ATP10A: variants seen among roughly 807,000 people sequenced by gnomAD.
ATP10A encodes ATPase phospholipid transporting 10A (putative).
ATP10A carries 111 observed loss-of-function variants against 147.8 expected under a neutral mutation model. The ratio of observed to expected loss-of-function variants is 0.75; its 90% CI spans 0.64 to 0.88. The LOEUF (loss-of-function observed/expected upper bound fraction) is 0.88. Among genes scored for constraint, ATP10A ranks in the 40% least tolerant of loss-of-function variants. ATP10A has a pLI of 0.00. For missense variants in ATP10A, 1,927 were observed against 1,959.0 expected, an observed-to-expected ratio of 0.98 and a Z score of 0.31; for synonymous variants, 875 against 841.6, an observed-to-expected ratio of 1.04 and a Z score of -0.69.
At chr15:25,809,415 T>G (rs1234585833) in intron 1 of ATP10A, among the ~76,000 whole-genome samples, 2 of 152,134 alleles carry the variant, frequency 1.3e-5, no homozygotes, top group African/African-American at 2.4e-5. Flanking sequence ...TATTTTAAAA[T>G]CACAGAGAAG....
At chr15:25,767,080 T>A (rs1432472295) in intron 2 of ATP10A, among the ~76,000 whole-genome samples, 1 of 152,148 alleles carries the variant, frequency 6.6e-6, no homozygotes, top group Non-Finnish European at 1.5e-5. Flanking sequence ...TGGGCAGCAA[T>A]CAAATTCCCT....
chr15:25,700,410 T>C (rs1900594718), intron 13 of ATP10A, among the ~76,000 whole-genome samples: 1 of 152,234 alleles, frequency 6.6e-6, no homozygotes, highest in Admixed American at 6.5e-5. Flanking sequence ...CTGTTTATGA[T>C]TGTCAACAAC....
At chr15:25,816,330 C>T (rs1158800672) in intron 1 of ATP10A, among the ~76,000 whole-genome samples, 4 of 151,886 alleles carry the variant, frequency 2.6e-5, no homozygotes, top group Non-Finnish European at 5.9e-5. Context: ...TCCCAAAGTG[C>T]TGGGATTACA....
chr15:25,830,625 C>T (rs1016707390), intron 1 of ATP10A, among the ~76,000 whole-genome samples: 1 of 152,184 alleles, frequency 6.6e-6, no homozygotes, highest in African/African-American at 2.4e-5. Flanking sequence ...GATCTCTTAA[C>T]AGCCCAGTTC....
chr15:25,763,343 A>G (rs1293364214), intron 2 of ATP10A, among the ~76,000 whole-genome samples: 2 of 152,190 alleles, frequency 1.3e-5, no homozygotes, highest in Non-Finnish European at 2.9e-5. Flanking sequence ...GGTCTTGAAT[A>G]TCAGCAACCA....
rs76685513 is a variant in ATP10A, at chr15:25,716,853, C to T, written c.1653G>A (p.Ala551=). The T allele has an allele frequency of 3.4e-3, 5,518 of 1,610,566 alleles. 24 individuals are homozygous for T. Among genetic ancestry groups the T allele is most frequent in the South Asian group, 5.1e-3 (464 of 90,374 alleles). Residue 551 remains alanine (A), a synonymous_variant, in exon 9 of 21, where the codon GCG becomes GCA. Coordinates refer to ENST00000555815, the MANE Select transcript of ATP10A (RefSeq NM_024490.4). ...GGGCCAGCAGGTGCTCCTGATGCCT[C>T]GCCACGGCTAGGCTCTTGTCACACT... ...VSECDKSLAV[A]RHQEHLLAHL...
At chr15:25,718,554 A>T (rs550847449) in intron 7 of ATP10A, among the ~76,000 whole-genome samples, 155 bp from the exon 8 acceptor site, 1 of 152,270 alleles carries the variant, frequency 6.6e-6, no homozygotes, top group East Asian at 1.9e-4. Flanking sequence ...CACGGAGAAC[A>T]TCCTCAGTCA....
At chr15:25,795,741 G>A (rs772194068) in intron 1 of ATP10A, among the ~76,000 whole-genome samples, 26 of 152,148 alleles carry the variant, frequency 1.7e-4, no homozygotes, top group Non-Finnish European at 3.1e-4. Context: ...GCTATAGTGT[G>A]GATGTTTGTC....
Position 25,713,690 on chromosome 15 carries a change from C to T in ATP10A, c.2328G>A (p.Leu776=), listed in dbSNP as rs780060815. 1.5e-5 allele frequency: 24 copies of T among 1,613,806 alleles called. No individual in the cohort carries two copies. The highest frequency in any genetic ancestry group is 2.7e-5 in the African/African-American group (2 of 74,938). The part of the protein sequence containing the change: ...KGADSVVMDL[L]QPCSSVDARG... Reference sequence around the variant, plus strand: ...TGGGAGTACCTGAAGAGCAGGGCTGCAGGAGATCCATGACCACTGAGTCGG... The same window carrying T: ...TGGGAGTACCTGAAGAGCAGGGCTGTAGGAGATCCATGACCACTGAGTCGG... Residue 776 remains leucine, a synonymous_variant, in exon 10 of 21, where the codon CTG becomes CTA. Transcript: ENST00000555815.
chr15:25,787,238 CAA>C (rs542333867), intron 1 of ATP10A, among the ~76,000 whole-genome samples: 74 of 152,074 alleles, frequency 4.9e-4, no homozygotes, highest in African/African-American at 1.7e-3. Context: ...AAGTGCTAAG[CAA>C]AAAAGTTCTT....
chr15:25,743,311 G>T (rs1036777519), intron 2 of ATP10A, among the ~76,000 whole-genome samples: 4 of 152,242 alleles, frequency 2.6e-5, no homozygotes, highest in East Asian at 3.9e-4. Flanking sequence ...AACCAGATCT[G>T]CTCAGTCATC....
At chr15:25,713,511 C>T (rs1901567221) in intron 10 of ATP10A, among the ~76,000 whole-genome samples, 163 bp downstream of exon 10, 1 of 152,238 alleles carries the variant, frequency 6.6e-6, no homozygotes, top group African/African-American at 2.4e-5. Context: ...ACCCTTCAAA[C>T]AGGCAAACAC....
At chr15:25,784,152 C>T (rs1205869275) in intron 1 of ATP10A, among the ~76,000 whole-genome samples, 3 of 152,166 alleles carry the variant, frequency 2.0e-5, no homozygotes, top group African/African-American at 7.2e-5. Context: ...GCAGAGGACA[C>T]GAAGCCATTT....
At chr15:25,809,635 A>G (rs1891343553) in intron 1 of ATP10A, among the ~76,000 whole-genome samples, 2 of 152,062 alleles carry the variant, frequency 1.3e-5, no homozygotes, top group Non-Finnish European at 2.9e-5. Flanking sequence ...TCTTGAGAAA[A>G]TCTCAAACTC....
At chr15:25,846,668 G>T (rs1399762800) in intron 1 of ATP10A, among the ~76,000 whole-genome samples, 1 of 152,180 alleles carries the variant, frequency 6.6e-6, no homozygotes, top group East Asian at 1.9e-4. Context: ...CCGGACACGT[G>T]CCTGACACGT....
chr15:25,763,835 G>A (rs966281422), intron 2 of ATP10A, among the ~76,000 whole-genome samples: 10 of 152,052 alleles, frequency 6.6e-5, no homozygotes, highest in East Asian at 1.9e-4. Flanking sequence ...GGAGAACACC[G>A]TTTCATTTTA....
At chr15:25,718,728 G>T (rs1052962687) in intron 7 of ATP10A, among the ~76,000 whole-genome samples, 2 of 152,124 alleles carry the variant, frequency 1.3e-5, no homozygotes, top group Admixed American at 6.5e-5. Flanking sequence ...CATGGGGTAG[G>T]GTGGCAGGTG....
At chr15:25,772,672 G>A (rs1277489796) in intron 2 of ATP10A, among the ~76,000 whole-genome samples, 2 of 152,194 alleles carry the variant, frequency 1.3e-5, no homozygotes, top group Non-Finnish European at 2.9e-5. Flanking sequence ...GTGCGGCAAA[G>A]GTCAGTTGTG....
intron 1 of ATP10A, among the ~76,000 whole-genome samples, chr15:25,802,197 G>T (rs1317738187): frequency 6.6e-6 from 1 of 152,184 alleles, no homozygotes; most frequent in South Asian, 2.1e-4. Flanking sequence ...AGAGTGCACC[G>T]TGGAAACACG....
Sources: gnomAD v4.1 joint callset for allele counts (sites outside exome capture counted in the v4.1 genomes callset) on GRCh38, gnomAD v4.1.1 for gene constraint, MANE v1.5 for transcripts, NCBI Gene and HGNC (gene_info 2026-07-23, HGNC 2026-07-21) for gene names.